Variants in HDAC4 observed in about 807,000 individuals in gnomAD.
HDAC4 encodes histone deacetylase 4.
HDAC4 carries 16 observed loss-of-function variants against 135.1 expected under a neutral mutation model. That is an observed-to-expected ratio of 0.12 (90% CI 0.08 to 0.18). The LOEUF (loss-of-function observed/expected upper bound fraction) is 0.18. Among genes scored for constraint, HDAC4 ranks in the 10% least tolerant of loss-of-function variants. HDAC4 has a pLI of 1.00. For missense variants in HDAC4, 1,143 were observed against 1,511.8 expected (o/e 0.76, Z 4.05); for synonymous variants, 685 against 653.4 (o/e 1.05, Z -0.74).
chr2:239,334,578 C>A (rs895297879), intron 2 of HDAC4, among the ~76,000 whole-genome samples: 1 of 151,480 alleles, frequency 6.6e-6, no homozygotes, highest in Non-Finnish European at 1.5e-5. Flanking sequence ...AAAATATGAT[C>A]GAAAGAAATT....
intron 2 of HDAC4, among the ~76,000 whole-genome samples, chr2:239,279,885 A>G (rs933128857): frequency 6.6e-6 from 1 of 152,140 alleles, no homozygotes; most frequent in Admixed American, 6.5e-5. Context: ...TAATGTTTCC[A>G]AAGTGGCCAC....
At chr2:239,193,066 T>C (rs541399731) in intron 3 of HDAC4, among the ~76,000 whole-genome samples, 75 of 152,330 alleles carry the variant, frequency 4.9e-4, no homozygotes, top group African/African-American at 1.7e-3. Context: ...CTGCACAGCG[T>C]TGCATCTTGG....
intron 2 of HDAC4, among the ~76,000 whole-genome samples, chr2:239,322,710 C>T (rs982391117): frequency 5.9e-5 from 9 of 152,012 alleles, no homozygotes; most frequent in East Asian, 1.9e-4. Flanking sequence ...GGTGTGTGGA[C>T]GGGAACCAGC....
chr2:239,353,172 C>T (rs1693273569), intron 1 of HDAC4, among the ~76,000 whole-genome samples: 1 of 152,158 alleles, frequency 6.6e-6, no homozygotes. Context: ...TGCCACCAGG[C>T]ACAGCTAATT....
chr2:239,103,678 C>T (rs1300475753), intron 15 of HDAC4, among the ~76,000 whole-genome samples: 1 of 152,200 alleles, frequency 6.6e-6, no homozygotes, highest in Non-Finnish European at 1.5e-5. Context: ...TCTCTCCCTC[C>T]CGACTGCAGC....
chr2:239,192,473 T>C (rs2045052122), intron 3 of HDAC4, among the ~76,000 whole-genome samples: 1 of 152,142 alleles, frequency 6.6e-6, no homozygotes, highest in African/African-American at 2.4e-5. Flanking sequence ...AGGAATAAAA[T>C]ATATGAAAGG....
chr2:239,126,667 A>T lies in HDAC4; in HGVS notation c.1322T>A (p.Leu441Gln). ...TDWYLSGLGALPLHAQSLVGA... is the reference protein window; with the variant it reads ...TDWYLSGLGAQPLHAQSLVGA... ...AACCAAGGACTGTGCGTGGAGGGGC[A>T]GTGCTCCCAGGCCTGAAAGATACCA... is the stretch of plus-strand genomic sequence containing the variant. The change falls in exon 12 of 27, where the codon CTG (leucine) becomes CAG (glutamine). Residue 441 changes from leucine (L) to glutamine (Q), a missense_variant. Around this residue, in one of 9 missense-constraint regions of HDAC4, gnomAD observed 272 missense variants for 309.7 expected, o/e 0.88. Coordinates refer to ENST00000543185, the MANE Select transcript of HDAC4 (RefSeq NM_001378414.1). 6.2e-7 allele frequency: 1 copy of T among 1,614,036 alleles called. No individual in the cohort carries two copies. The highest frequency in any genetic ancestry group is 8.5e-7 in the Non-Finnish European group (1 of 1,179,976).
intron 21 of HDAC4, among the ~76,000 whole-genome samples, chr2:239,081,721 G>A (rs970870882): frequency 7.9e-5 from 12 of 152,202 alleles, no homozygotes; most frequent in Non-Finnish European, 1.5e-4. Flanking sequence ...TCCTGGGGCC[G>A]CCATGCAGCC....
chr2:239,102,672 A>G, intron 16 of HDAC4, 104 bp downstream of exon 16: 1 of 1,326,984 alleles, frequency 7.5e-7, no homozygotes, highest in East Asian at 2.3e-5. Flanking sequence ...ATAACCTGGC[A>G]GGCGACACCC....
At chr2:239,396,362 T>G (rs1696561559) in intron 1 of HDAC4, among the ~76,000 whole-genome samples, 1 of 152,202 alleles carries the variant, frequency 6.6e-6, no homozygotes, top group South Asian at 2.1e-4. Flanking sequence ...TCATGCTTAC[T>G]ACATGCCAGG....
chr2:239,143,422 A>C (rs1225783186), intron 8 of HDAC4, among the ~76,000 whole-genome samples: 1 of 152,200 alleles, frequency 6.6e-6, no homozygotes, highest in African/African-American at 2.4e-5. Flanking sequence ...AGACTTAGTG[A>C]AACTTTAGAT....
intron 2 of HDAC4, among the ~76,000 whole-genome samples, chr2:239,280,509 G>A (rs1208854652): frequency 6.6e-6 from 1 of 152,168 alleles, no homozygotes; most frequent in Non-Finnish European, 1.5e-5. Flanking sequence ...CCCGGGCACT[G>A]CACGCCTCCC....
chr2:239,112,444 G>A (rs556093656), intron 13 of HDAC4, among the ~76,000 whole-genome samples: 55 of 152,198 alleles, frequency 3.6e-4, no homozygotes, highest in Non-Finnish European at 6.9e-4. Flanking sequence ...CAGGCTAAAA[G>A]CAGTAACAGC....
At chr2:239,060,750 G>A (rs1442348554) in intron 24 of HDAC4, among the ~76,000 whole-genome samples, 2 of 152,254 alleles carry the variant, frequency 1.3e-5, no homozygotes, top group Non-Finnish European at 2.9e-5. Flanking sequence ...GTGTATTGGG[G>A]ACTTGCCCGG....
chr2:239,186,956 T>C (rs2044590502), intron 4 of HDAC4: 1 of 152,468 alleles, frequency 6.6e-6, no homozygotes, highest in Non-Finnish European at 1.5e-5. Context: ...CAGCACGGAA[T>C]GAGACATCAG....
At position 239,049,784 on chromosome 2, in the gene HDAC4, G is replaced by A. The variant is rs1250356734; in HGVS notation, c.*3313C>T. The A allele has an allele frequency of 2.6e-5, 4 of 152,282 alleles. No homozygotes were observed. The highest frequency in any genetic ancestry group is 5.9e-5 in the Non-Finnish European group (4 of 68,036). The allele number at this position is 152,282 out of a possible 1,614,324, so 9.4% of individuals were successfully genotyped here. A position where few individuals can be genotyped will look rare whatever the true frequency, so the allele number is the denominator to read the frequency against. ...CTGGGGAGGGGCGGCCAGTCCCAGC[G>A]GGCCACGGCCTCCGGGACAGCCGCC... On this transcript the variant is annotated 3_prime_UTR_variant, in exon 27 of 27. Coordinates refer to ENST00000543185, the MANE Select transcript of HDAC4 (RefSeq NM_001378414.1).
chr2:239,157,574 GC>G (rs1299051684), intron 6 of HDAC4, among the ~76,000 whole-genome samples: 1 of 152,200 alleles, frequency 6.6e-6, no homozygotes, highest in Non-Finnish European at 1.5e-5. Context: ...CATCAGCAAG[GC>G]CTTTTTTGAC....
intron 3 of HDAC4, among the ~76,000 whole-genome samples, chr2:239,222,295 AT>A (rs1297466941): frequency 6.6e-6 from 1 of 152,046 alleles, no homozygotes; most frequent in African/African-American, 2.4e-5. Flanking sequence ...CAAGTGTTAG[AT>A]TTTTTCCCTG....
intron 2 of HDAC4, among the ~76,000 whole-genome samples, chr2:239,340,263 C>A (rs1208403259): frequency 6.6e-6 from 1 of 152,236 alleles, no homozygotes; most frequent in African/African-American, 2.4e-5. Flanking sequence ...CACCCGTCTT[C>A]CTGAACCATC....
Sources: gnomAD v4.1 joint callset for allele counts (sites outside exome capture counted in the v4.1 genomes callset) on GRCh38, gnomAD v4.1.1 for gene constraint, gnomAD v4.1.1 regional missense constraint, MANE v1.5 for transcripts, NCBI Gene and HGNC (gene_info 2026-07-23, HGNC 2026-07-21) for gene names.